The following TMEM132C variants were observed in gnomAD, a reference collection of about 807,000 sequenced individuals.
TMEM132C encodes the protein protein phosphatase 1, regulatory subunit 152.
TMEM132C carries 29 observed loss-of-function variants against 61.4 expected under a neutral mutation model. The ratio of observed to expected loss-of-function variants is 0.47; its 90% CI spans 0.35 to 0.64. TMEM132C has a LOEUF of 0.64. Ranked by LOEUF, TMEM132C falls within the 30% of genes least tolerant of loss-of-function variation. The pLI is 0.00. For synonymous variants in TMEM132C, 656 were observed against 633.1 expected (o/e 1.04, Z -0.54); for missense variants, 1,408 against 1,476.9 (o/e 0.95, Z 0.76).
chr12:128,513,817 G>C (rs571581578), intron 2 of TMEM132C, among the ~76,000 whole-genome samples: 1 of 152,148 alleles, frequency 6.6e-6, no homozygotes, highest in Admixed American at 6.5e-5. Context: ...TCACATGCAC[G>C]ATCAGCAGGG....
intron 8 of TMEM132C, among the ~76,000 whole-genome samples, chr12:128,701,347 C>T (rs1413392618): frequency 6.6e-6 from 1 of 152,052 alleles, no homozygotes; most frequent in Non-Finnish European, 1.5e-5. Flanking sequence ...AAACTTCCTA[C>T]ACAGGCTCAC....
At chr12:128,370,283 T>G (rs1873991437) in intron 1 of TMEM132C, among the ~76,000 whole-genome samples, 1 of 152,022 alleles carries the variant, frequency 6.6e-6, no homozygotes, top group African/African-American at 2.4e-5. Context: ...CAGTCATAGG[T>G]GTGTTAGACT....
Position 128,630,909 on chromosome 12 carries a change from G to A in TMEM132C, c.1305+14574G>A, listed in dbSNP as rs1593126864. On this transcript the variant is annotated intron_variant, in intron 4 of 8. Coordinates refer to ENST00000435159, the MANE Select transcript of TMEM132C (RefSeq NM_001136103.3). This position sits in a 1 kb window ranked among gnomAD's most constrained non-coding sequence, Gnocchi z 4.3. Reference sequence around the variant, plus strand: ...TAGTCGGGCATGGTGGTATGTGCCTGTATTCCCAGCTACTCAGGAGGCTGA... The same window carrying A: ...TAGTCGGGCATGGTGGTATGTGCCTATATTCCCAGCTACTCAGGAGGCTGA... Among the ~76,000 whole-genome samples the A allele has an allele frequency of 6.6e-6, 1 of 152,216 alleles. No individual in the cohort carries two copies. Among genetic ancestry groups the A allele is most frequent in the East Asian group, 1.9e-4 (1 of 5,176 alleles).
At chr12:128,523,828 A>AG (rs1280704436) in intron 2 of TMEM132C, among the ~76,000 whole-genome samples, 2 of 150,624 alleles carry the variant, frequency 1.3e-5, no homozygotes, top group Non-Finnish European at 3.0e-5. Context: ...AAAAAAAAAA[A>AG]GAGACCCTGT....
intron 1 of TMEM132C, among the ~76,000 whole-genome samples, chr12:128,339,802 C>CCATTCTTCTCATTCCA (rs1206104286): frequency 6.6e-5 from 10 of 152,108 alleles, no homozygotes; most frequent in African/African-American, 2.4e-4. Flanking sequence ...TCTTCTCATT[C>CCATTCTTCTCATTCCA]CAGGCAACTT....
intron 4 of TMEM132C, among the ~76,000 whole-genome samples, chr12:128,620,007 G>T (rs1229066707): frequency 6.6e-6 from 1 of 152,008 alleles, no homozygotes; most frequent in Non-Finnish European, 1.5e-5. Flanking sequence ...AAGGCAAGAG[G>T]ATTGCTTGAG....
intron 1 of TMEM132C, among the ~76,000 whole-genome samples, chr12:128,370,598 A>T (rs1212599841): frequency 6.6e-6 from 1 of 151,704 alleles, no homozygotes; most frequent in Non-Finnish European, 1.5e-5. Context: ...CCACCACCAG[A>T]GGCACAGCAC....
chr12:128,456,226 T>C (rs1870334627), intron 2 of TMEM132C, among the ~76,000 whole-genome samples: 1 of 152,124 alleles, frequency 6.6e-6, no homozygotes, highest in Non-Finnish European at 1.5e-5. Flanking sequence ...ACACAAAGAC[T>C]AAATCTGAGA....
At chr12:128,589,692 T>C (rs1202523113) in intron 3 of TMEM132C, among the ~76,000 whole-genome samples, 1 of 152,200 alleles carries the variant, frequency 6.6e-6, no homozygotes, top group Non-Finnish European at 1.5e-5. Context: ...GCATTCACTT[T>C]CCAGGGCCTG....
chr12:128,269,821 T>A (rs1298626164), intron 1 of TMEM132C, among the ~76,000 whole-genome samples: 6 of 148,590 alleles, frequency 4.0e-5, no homozygotes, highest in South Asian at 2.1e-4. Context: ...CTGCTGTCTT[T>A]AAAAAAAAAA....
At chr12:128,515,391 G>C (rs1307242890) in intron 2 of TMEM132C, among the ~76,000 whole-genome samples, 1 of 152,192 alleles carries the variant, frequency 6.6e-6, no homozygotes, top group East Asian at 1.9e-4. Flanking sequence ...AAGCCAGTGA[G>C]GATGGCCAAA....
chr12:128,432,970 T>C (rs1031691856), intron 2 of TMEM132C, among the ~76,000 whole-genome samples: 1 of 151,102 alleles, frequency 6.6e-6, no homozygotes. Context: ...TCAGCAGCCA[T>C]CAATATTGAG....
chr12:128,655,252 A>G (rs911457245), intron 4 of TMEM132C, among the ~76,000 whole-genome samples: 22 of 152,144 alleles, frequency 1.4e-4, no homozygotes, highest in Admixed American at 1.3e-4. Context: ...GAGTTGTTAT[A>G]CCGCACTGTG....
intron 1 of TMEM132C, among the ~76,000 whole-genome samples, chr12:128,378,408 G>A (rs1275915919): frequency 2.1e-5 from 3 of 140,788 alleles, no homozygotes; most frequent in East Asian, 2.0e-4. Context: ...GAGCCACCAC[G>A]CCTGGCCAAG....
At chr12:128,464,093 C>T (rs1431402282) in intron 2 of TMEM132C, among the ~76,000 whole-genome samples, 3 of 152,168 alleles carry the variant, frequency 2.0e-5, no homozygotes, top group African/African-American at 7.2e-5. Flanking sequence ...AAGCTAAGTT[C>T]TGTCTAGACA....
chr12:128,460,530 G>A (rs142602429), intron 2 of TMEM132C, among the ~76,000 whole-genome samples: 12 of 152,186 alleles, frequency 7.9e-5, no homozygotes, highest in Admixed American at 2.0e-4. Flanking sequence ...TTCTCACCCC[G>A]AGAGCTACAG....
chr12:128,679,554 C>T (rs1323763728), intron 5 of TMEM132C, among the ~76,000 whole-genome samples: 2 of 152,172 alleles, frequency 1.3e-5, no homozygotes, highest in Non-Finnish European at 2.9e-5. Flanking sequence ...AGTGGCCAGG[C>T]AAAGCCCTGA....
At position 128,415,276 on chromosome 12, in the gene TMEM132C, G is replaced by C. The variant is rs1244941946; in HGVS notation, c.630G>C (p.Val210=). 6.3e-7 allele frequency: 1 copy of C among 1,598,656 alleles called. No homozygotes were observed. The highest frequency in any genetic ancestry group is 1.3e-5 in the African/African-American group (1 of 74,388). Residue 210 remains valine (V), a synonymous_variant, in exon 2 of 9, where the codon GTG becomes GTC. Transcript: ENST00000435159. This position sits in a 1 kb window ranked among gnomAD's most constrained non-coding sequence, Gnocchi z 5.8. ...CCAGCTGGTTCAGTGCCCCGACGGT[G>C]GGTGCCGGGAGGAAGAAGTCCATGG... is the stretch of plus-strand genomic sequence containing the variant. ...LLSSWFSAPT[V]GAGRKKSMDQ...
At chr12:128,593,087 T>C (rs1433555132) in intron 3 of TMEM132C, among the ~76,000 whole-genome samples, 1 of 151,626 alleles carries the variant, frequency 6.6e-6, no homozygotes, top group East Asian at 1.9e-4. Context: ...CTTCCTTCTC[T>C]CTTACCTCTC....
Sources: allele counts gnomAD v4.1 joint callset (sites outside exome capture counted in the v4.1 genomes callset), GRCh38; gene constraint gnomAD v4.1.1; non-coding constraint Gnocchi (gnomAD v3.1); transcripts MANE v1.5; gene names NCBI Gene and HGNC (gene_info 2026-07-23, HGNC 2026-07-21).